SLIT2: variants seen among roughly 807,000 people sequenced by gnomAD.
The protein encoded by SLIT2 is slit homolog 2 protein.
SLIT2 carries 41 observed loss-of-function variants against 185.7 expected under a neutral mutation model. That is an observed-to-expected ratio of 0.22 (90% confidence interval 0.17 to 0.29). The LOEUF (loss-of-function observed/expected upper bound fraction) is 0.29, where lower values mean the gene tolerates loss of function less well. Ranked by LOEUF, SLIT2 falls within the 10% of genes least tolerant of loss-of-function variation. The pLI is 1.00. For missense variants in SLIT2, 1,571 were observed against 1,909.0 expected, an observed-to-expected ratio of 0.82 and a Z score of 3.30; for synonymous variants, 693 against 680.2, an observed-to-expected ratio of 1.02 and a Z score of -0.29.
intron 9 of SLIT2, among the ~76,000 whole-genome samples, chr4:20,508,505 A>G (rs1719408060): frequency 6.6e-6 from 1 of 152,124 alleles, no homozygotes; most frequent in Non-Finnish European, 1.5e-5. Flanking sequence ...GTTAAATGAT[A>G]TAGCAATACA....
intron 9 of SLIT2, among the ~76,000 whole-genome samples, chr4:20,499,055 C>T (rs2148810183): frequency 6.6e-6 from 1 of 152,230 alleles, no homozygotes; most frequent in South Asian, 2.1e-4. Flanking sequence ...ATAAGCATTC[C>T]CTTTTCTCTG....
intron 30 of SLIT2, among the ~76,000 whole-genome samples, chr4:20,592,806 T>A (rs1201643992): frequency 1.3e-5 from 2 of 152,192 alleles, no homozygotes; most frequent in Non-Finnish European, 2.9e-5. Flanking sequence ...TCTATTTAAC[T>A]TCAGACTTGT....
chr4:20,275,297 T>C (rs1247094638), intron 4 of SLIT2, among the ~76,000 whole-genome samples: 1 of 152,210 alleles, frequency 6.6e-6, no homozygotes, highest in Non-Finnish European at 1.5e-5. Context: ...CTTGCAGTTC[T>C]GTTAACTTTG....
intron 3 of SLIT2, among the ~76,000 whole-genome samples, chr4:20,263,958 A>T (rs1394845267): frequency 6.6e-6 from 1 of 151,876 alleles, no homozygotes; most frequent in East Asian, 1.9e-4. Context: ...TTCCTAACGT[A>T]GTATATGGTC....
At chr4:20,387,123 A>G (rs1301588178) in intron 4 of SLIT2, among the ~76,000 whole-genome samples, 1 of 152,208 alleles carries the variant, frequency 6.6e-6, no homozygotes, top group African/African-American at 2.4e-5. Flanking sequence ...TGTGAACAGC[A>G]GTGATGGGTT....
intron 2 of SLIT2, among the ~76,000 whole-genome samples, 178 bp downstream of exon 2, chr4:20,256,921 T>G (rs1711911065): frequency 6.6e-6 from 1 of 152,132 alleles, no homozygotes; most frequent in Admixed American, 6.6e-5. Context: ...TTGGGGCTTT[T>G]ATTTTAAGGT....
At chr4:20,413,022 A>T (rs1727377909) in intron 4 of SLIT2, among the ~76,000 whole-genome samples, 1 of 152,084 alleles carries the variant, frequency 6.6e-6, no homozygotes, top group African/African-American at 2.4e-5. Flanking sequence ...TTTACATTTT[A>T]ATAGTGATTA....
chr4:20,266,022 G>A (rs1712998209), intron 3 of SLIT2, among the ~76,000 whole-genome samples: 1 of 151,832 alleles, frequency 6.6e-6, no homozygotes, highest in South Asian at 2.1e-4. Context: ...TTACTCATGG[G>A]GATGTGGTGA....
chr4:20,472,533 G>T (rs56061793), intron 5 of SLIT2, among the ~76,000 whole-genome samples: 17 of 7,192 alleles, frequency 2.4e-3, no homozygotes, highest in South Asian at 5.1e-3. Context: ...TCTATATATA[G>T]ATATATCTAT....
chr4:20,303,078 A>G (rs567939168), intron 4 of SLIT2, among the ~76,000 whole-genome samples: 2 of 152,340 alleles, frequency 1.3e-5, no homozygotes, highest in African/African-American at 4.8e-5. Flanking sequence ...TGAAACCTTT[A>G]TTATCTATAT....
chr4:20,480,536 G>T (rs907731607), intron 5 of SLIT2, among the ~76,000 whole-genome samples, 180 bp from the exon 6 acceptor site: 1 of 152,132 alleles, frequency 6.6e-6, no homozygotes, highest in Admixed American at 6.5e-5. Context: ...AGAACAAAAA[G>T]ATTTCAGTGG....
intron 4 of SLIT2, among the ~76,000 whole-genome samples, chr4:20,292,268 G>T (rs1005952873): frequency 6.6e-6 from 1 of 152,196 alleles, no homozygotes; most frequent in Non-Finnish European, 1.5e-5. Context: ...GACACGTTTT[G>T]TGTCTGAACA....
chr4:20,327,924 A>G (rs1011993231), intron 4 of SLIT2, among the ~76,000 whole-genome samples: 1 of 152,052 alleles, frequency 6.6e-6, no homozygotes, highest in Non-Finnish European at 1.5e-5. Flanking sequence ...ATGGCTGCAT[A>G]CTAATTTTAT....
intron 4 of SLIT2, among the ~76,000 whole-genome samples, chr4:20,298,697 A>C (rs1322686842): frequency 2.6e-5 from 4 of 152,256 alleles, no homozygotes; most frequent in African/African-American, 9.6e-5. Flanking sequence ...TAAGCCCAAG[A>C]AACACAATGA....
intron 26 of SLIT2, among the ~76,000 whole-genome samples, chr4:20,562,756 G>A (rs1724799674): frequency 6.6e-6 from 1 of 151,590 alleles, no homozygotes; most frequent in Non-Finnish European, 1.5e-5. Context: ...TAAAAGCATT[G>A]GTTTTAAATA....
intron 4 of SLIT2, among the ~76,000 whole-genome samples, chr4:20,400,693 C>T (rs137976081): frequency 1.2e-3 from 186 of 151,590 alleles, no homozygotes; most frequent in Non-Finnish European, 2.2e-3. Context: ...CAAAGAAAAG[C>T]GCTTAAGAGC....
At chr4:20,606,679 T>A (rs753423429) in intron 33 of SLIT2, among the ~76,000 whole-genome samples, 3 of 152,196 alleles carry the variant, frequency 2.0e-5, no homozygotes, top group Non-Finnish European at 4.4e-5. Flanking sequence ...ATCTCACTCA[T>A]AATCTCACTC....
chr4:20,322,177 A>C (rs976611323), intron 4 of SLIT2, among the ~76,000 whole-genome samples: 4 of 152,186 alleles, frequency 2.6e-5, no homozygotes, highest in African/African-American at 9.6e-5. Flanking sequence ...AATCTCAGAC[A>C]GGTTTCAGTC....
At position 20,620,117 on chromosome 4, in the gene SLIT2, G is replaced by A. The variant is rs1729971016; in HGVS notation, c.*1108G>A. ...GATGGTCATTGTACAGAAAGAAGTG[G>A]CCCCTCTGCAACATGTCCTCACAGA... is the stretch of plus-strand genomic sequence containing the variant. On this transcript the variant is annotated 3_prime_UTR_variant, in exon 37 of 37. Transcript: ENST00000504154. The A allele has an allele frequency of 8.5e-6, 2 of 234,570 alleles. No homozygotes were observed. Among genetic ancestry groups the A allele is most frequent in the East Asian group, 1.2e-4 (1 of 8,442 alleles). 14.5% of individuals were successfully genotyped at this position (234,570 alleles called of 1,614,324 possible).
Sources: gnomAD v4.1 joint callset for allele counts (sites outside exome capture counted in the v4.1 genomes callset) on GRCh38, gnomAD v4.1.1 for gene constraint, MANE v1.5 for transcripts, NCBI Gene and HGNC (gene_info 2026-07-23, HGNC 2026-07-21) for gene names.